GRIN2A: variants seen among roughly 807,000 people sequenced by gnomAD.
The protein encoded by GRIN2A is glutamate receptor ionotropic, NMDA 2A.
In GRIN2A, 22 loss-of-function variants were observed where a neutral mutation model predicts 113.4. The ratio of observed to expected loss-of-function variants is 0.19; its 90% CI spans 0.14 to 0.28. GRIN2A has a LOEUF of 0.28. Among genes scored for constraint, GRIN2A ranks in the 10% least tolerant of loss-of-function variants. The pLI is 1.00. For missense variants in GRIN2A, 1,502 were observed against 1,887.0 expected (o/e 0.80, Z 3.78); for synonymous variants, 827 against 738.4 (o/e 1.12, Z -1.94).
In GRIN2A at chr16:9,765,503, T is replaced by C. The variant is rs537471169; in HGVS notation, c.2596-555A>G. Among the ~76,000 whole-genome samples, 96 of 152,328 alleles carry C rather than the reference T, an allele frequency of 6.3e-4. 1 individual carries two copies. The highest frequency in any genetic ancestry group is 2.9e-3 in the South Asian group (14 of 4,826). Reference sequence around the variant, plus strand: ...AGAAAATCTCTTCTCCATGCACACATTGATTCATCTAAAGGAAGGCATGAA... The same window carrying C: ...AGAAAATCTCTTCTCCATGCACACACTGATTCATCTAAAGGAAGGCATGAA... On this transcript the variant is annotated intron_variant, in intron 12 of 12. Coordinates refer to ENST00000330684, the MANE Select transcript of GRIN2A (RefSeq NM_001134407.3).
intron 11 of GRIN2A, among the ~76,000 whole-genome samples, chr16:9,783,337 T>C (rs750617868): frequency 2.0e-5 from 3 of 152,246 alleles, no homozygotes; most frequent in Non-Finnish European, 4.4e-5. Flanking sequence ...ATTTAATCGA[T>C]AGAAGTGCTG....
intron 3 of GRIN2A, among the ~76,000 whole-genome samples, chr16:9,903,133 T>A (rs10400978): frequency 1.3e-5 from 2 of 151,578 alleles, no homozygotes; most frequent in Non-Finnish European, 2.9e-5. Flanking sequence ...CATGCCCAGC[T>A]AATTTTTTTG....
rs149992751 is a variant in GRIN2A at position 9,988,376 on chromosome 16, A to G, written c.415-49825T>C. Among the ~76,000 whole-genome samples the G allele has an allele frequency of 1.1e-4, 16 of 152,206 alleles. No homozygotes were observed. In the East Asian group the frequency reaches 2.5e-3, roughly 24 times the overall value. On this transcript the variant is annotated intron_variant, in intron 2 of 12. Transcript: ENST00000330684. ...AATACATAAAAACAGTGGACAAATT[A>G]TACCACTCAATTTTCTACAATTTGA...
rs187196196 is a variant in GRIN2A, at chr16:10,176,499, C to T, written c.414+3499G>A. On this transcript the variant is annotated intron_variant, in intron 2 of 12. Coordinates refer to ENST00000330684, the MANE Select transcript of GRIN2A (RefSeq NM_001134407.3). ...AGAAGGAAAATGTGGCACATACACACCATGGAATACTATGCAGCCATAAAA... is the reference window on the plus strand; with the variant it reads ...AGAAGGAAAATGTGGCACATACACATCATGGAATACTATGCAGCCATAAAA... 2.6e-3 allele frequency among the ~76,000 whole-genome samples: 402 copies of T among 152,236 alleles called. 3 individuals are homozygous for T. Among genetic ancestry groups the T allele is most frequent in the African/African-American group, 9.4e-3 (392 of 41,528 alleles).
intron 2 of GRIN2A, among the ~76,000 whole-genome samples, chr16:10,115,335 G>C (rs1000066762): frequency 6.6e-6 from 1 of 152,082 alleles, no homozygotes; most frequent in Non-Finnish European, 1.5e-5. Context: ...AAAGTTACTT[G>C]CTATACCATC....
intron 2 of GRIN2A, among the ~76,000 whole-genome samples, chr16:10,017,900 G>GGATCCTCTATTATTATGTT (rs1198987054): frequency 1.3e-5 from 2 of 152,144 alleles, no homozygotes; most frequent in Non-Finnish European, 1.5e-5. Context: ...CAGCCCTGCT[G>GGATCCTCTATTATTATGTT]GATCCTCTAT....
In GRIN2A at chr16:10,169,663, A is replaced by G. The variant is rs187836558; in HGVS notation, c.414+10335T>C. Reference sequence around the variant, plus strand: ...AGAATGGGAAGGATCTGAGTCCTCAATGTGACATTAAGTCACTAAGCTAGA... The same window carrying G: ...AGAATGGGAAGGATCTGAGTCCTCAGTGTGACATTAAGTCACTAAGCTAGA... On this transcript the variant is annotated intron_variant, in intron 2 of 12. Coordinates refer to ENST00000330684, the MANE Select transcript of GRIN2A (RefSeq NM_001134407.3). 1.2e-3 allele frequency among the ~76,000 whole-genome samples: 183 copies of G among 152,328 alleles called. 1 individual carries two copies. The highest frequency in any genetic ancestry group is 0.01 in the Middle Eastern group (3 of 294).
chr16:10,088,506 C>T (rs748033160), intron 2 of GRIN2A, among the ~76,000 whole-genome samples: 56 of 152,348 alleles, frequency 3.7e-4, no homozygotes, highest in South Asian at 6.2e-4. Context: ...CCTGCGGCAT[C>T]TCTTAATCTG....
chr16:9,958,084 G>A (rs913821776), intron 2 of GRIN2A, among the ~76,000 whole-genome samples: 3 of 152,196 alleles, frequency 2.0e-5, no homozygotes, highest in Non-Finnish European at 4.4e-5. Context: ...TGAGGAAGTT[G>A]CTTAGCTTCT....
chr16:10,178,570 C>T (rs761889203), intron 2 of GRIN2A, among the ~76,000 whole-genome samples: 1 of 152,200 alleles, frequency 6.6e-6, no homozygotes, highest in Admixed American at 6.5e-5. Flanking sequence ...ACAGGAGCCC[C>T]CCAAAACTGA....
chr16:10,069,226 T>G (rs995583094), intron 2 of GRIN2A, among the ~76,000 whole-genome samples: 2 of 152,170 alleles, frequency 1.3e-5, no homozygotes, highest in African/African-American at 4.8e-5. Flanking sequence ...ATGGTGATGA[T>G]GGTGGTAGCA....
chr16:10,103,128 G>C (rs1446107127), intron 2 of GRIN2A, among the ~76,000 whole-genome samples: 7 of 151,988 alleles, frequency 4.6e-5, no homozygotes, highest in Non-Finnish European at 8.8e-5. Context: ...GCAACTATGA[G>C]GAATAGATAC....
intron 2 of GRIN2A, among the ~76,000 whole-genome samples, chr16:9,948,923 C>T (rs138149183): frequency 2.1e-4 from 32 of 152,338 alleles, no homozygotes; most frequent in Admixed American, 6.5e-4. Flanking sequence ...CTGGGTCTCC[C>T]TGAGCCTCCA....
At chr16:10,153,860 T>C (rs1455514240) in intron 2 of GRIN2A, among the ~76,000 whole-genome samples, 3 of 152,222 alleles carry the variant, frequency 2.0e-5, no homozygotes, top group Non-Finnish European at 4.4e-5. Context: ...CCTGGTCACC[T>C]ACTTCATGTC....
At chr16:10,172,686 C>G (rs988788090) in intron 2 of GRIN2A, among the ~76,000 whole-genome samples, 1 of 152,194 alleles carries the variant, frequency 6.6e-6, no homozygotes, top group African/African-American at 2.4e-5. Flanking sequence ...GCCAGTATGG[C>G]CAGGCCTTCT....
At chr16:9,937,018 A>T (rs1180745965) in intron 3 of GRIN2A, among the ~76,000 whole-genome samples, 1 of 152,216 alleles carries the variant, frequency 6.6e-6, no homozygotes, top group Non-Finnish European at 1.5e-5. Context: ...ACACTTGCAC[A>T]TGTGCTTAGA....
At chr16:10,096,438 G>C (rs1007947389) in intron 2 of GRIN2A, among the ~76,000 whole-genome samples, 1 of 151,952 alleles carries the variant, frequency 6.6e-6, no homozygotes, top group Non-Finnish European at 1.5e-5. Context: ...CAGGCATCTC[G>C]GGGTTTCTGA....
At chr16:9,765,005 CT>C (rs759825888) in intron 12 of GRIN2A, 57 bp from the exon 13 acceptor site, 12 of 1,609,856 alleles carry the variant, frequency 7.5e-6, no homozygotes, top group African/African-American at 1.3e-5. Context: ...CATGAAACCA[CT>C]TTGCACTTGA....
intron 2 of GRIN2A, among the ~76,000 whole-genome samples, chr16:10,174,618 AAC>A (rs1467143314): frequency 1.3e-5 from 2 of 152,196 alleles, no homozygotes; most frequent in East Asian, 1.9e-4. Context: ...CATTATTTAT[AAC>A]ACAAAAAAAC....
Sources: allele counts gnomAD v4.1 joint callset (sites outside exome capture counted in the v4.1 genomes callset), GRCh38; gene constraint gnomAD v4.1.1; transcripts MANE v1.5; gene names NCBI Gene and HGNC (gene_info 2026-07-23, HGNC 2026-07-21).